CNTN5: variants seen among roughly 807,000 people sequenced by gnomAD.
CNTN5 encodes contactin 5, also known as contactin-5.
CNTN5 carries 77 observed loss-of-function variants against 129.1 expected under a neutral mutation model. That is an observed-to-expected ratio of 0.60 (90% CI 0.50 to 0.72). CNTN5 has a LOEUF of 0.72. CNTN5 is among the 30% of genes least tolerant of loss of function. The probability of loss-of-function intolerance (pLI) is 0.00; values close to 1 mark genes in which losing one functional copy is unlikely to be tolerated. For synonymous variants in CNTN5, 509 were observed against 465.6 expected (o/e 1.09, Z -1.20); for missense variants, 1,478 against 1,328.8 (o/e 1.11, Z -1.75).
chr11:99,246,164 T>A (rs1470826530), intron 1 of CNTN5, among the ~76,000 whole-genome samples: 1 of 152,216 alleles, frequency 6.6e-6, no homozygotes, highest in Non-Finnish European at 1.5e-5. Flanking sequence ...TCTTCACATG[T>A]CACAAATTTA....
chr11:99,523,866 G>A (rs548715463), intron 2 of CNTN5, among the ~76,000 whole-genome samples: 206 of 152,256 alleles, frequency 1.4e-3, no homozygotes, highest in African/African-American at 4.8e-3. Context: ...AGCGCATGCT[G>A]ATGTTTGCCA....
intron 6 of CNTN5, among the ~76,000 whole-genome samples, chr11:99,904,845 G>A (rs1389484452): frequency 2.0e-5 from 3 of 152,196 alleles, no homozygotes; most frequent in Non-Finnish European, 4.4e-5. Flanking sequence ...TAAATGGCAT[G>A]AGATGGTATC....
intron 7 of CNTN5, among the ~76,000 whole-genome samples, chr11:99,918,840 T>G (rs1459421163): frequency 6.6e-6 from 1 of 152,148 alleles, no homozygotes; most frequent in Non-Finnish European, 1.5e-5. Context: ...GTAAACAACT[T>G]TCCCAACAGT....
At chr11:100,275,563 T>A (rs969380727) in intron 18 of CNTN5, among the ~76,000 whole-genome samples, 1 of 152,168 alleles carries the variant, frequency 6.6e-6, no homozygotes, top group Non-Finnish European at 1.5e-5. Flanking sequence ...ATGAATCTCC[T>A]TGTGCTATTA....
chr11:99,839,999 A>T lies in CNTN5; in HGVS notation c.278-4853A>T, dbSNP rs553292674. Reference sequence around the variant, plus strand: ...AAAGGCCAACTGAGTCACAGAAAAAAAAATCGTACAAGATGACTACACCAA... The same window carrying T: ...AAAGGCCAACTGAGTCACAGAAAAATAAATCGTACAAGATGACTACACCAA... On this transcript the variant is annotated intron_variant, in intron 4 of 24. Coordinates refer to ENST00000524871, the MANE Select transcript of CNTN5 (RefSeq NM_014361.4). 5.0e-4 allele frequency among the ~76,000 whole-genome samples: 76 copies of T among 152,284 alleles called. 1 individual carries two copies. The highest frequency in any genetic ancestry group is 1.7e-3 in the African/African-American group (71 of 41,574).
At chr11:99,164,129 C>T (rs1860757870) in intron 1 of CNTN5, among the ~76,000 whole-genome samples, 1 of 151,860 alleles carries the variant, frequency 6.6e-6, no homozygotes, top group African/African-American at 2.4e-5. Flanking sequence ...AGTTCAAGAC[C>T]AGCCTGGCCA....
At chr11:99,477,245 T>TA (rs1565215026) in intron 2 of CNTN5, among the ~76,000 whole-genome samples, 1 of 152,000 alleles carries the variant, frequency 6.6e-6, no homozygotes, top group Non-Finnish European at 1.5e-5. Context: ...GAGACTCTTT[T>TA]AAAAAATAAT....
At chr11:99,364,457 G>C (rs1050147860) in intron 2 of CNTN5, among the ~76,000 whole-genome samples, 1 of 152,038 alleles carries the variant, frequency 6.6e-6, no homozygotes, top group East Asian at 1.9e-4. Context: ...CCTTGCTAAA[G>C]GTAACTCCAG....
At chr11:99,202,400 A>G (rs1160371187) in intron 1 of CNTN5, among the ~76,000 whole-genome samples, 3 of 152,192 alleles carry the variant, frequency 2.0e-5, no homozygotes, top group Admixed American at 6.5e-5. Flanking sequence ...GTAGTAGCTA[A>G]GAGTTCACAG....
At chr11:100,346,395 T>C (rs974494940) in intron 23 of CNTN5, among the ~76,000 whole-genome samples, 3 of 152,134 alleles carry the variant, frequency 2.0e-5, no homozygotes, top group African/African-American at 7.2e-5. Context: ...ACCCAGGTTA[T>C]AAAGTAAAAA....
intron 9 of CNTN5, among the ~76,000 whole-genome samples, chr11:100,060,710 G>A (rs570736781): frequency 4.2e-4 from 62 of 148,596 alleles, no homozygotes; most frequent in Admixed American, 2.3e-3. Context: ...CGCGATCTCG[G>A]CTCACTGCAA....
chr11:100,105,648 G>C (rs559949678), intron 13 of CNTN5, among the ~76,000 whole-genome samples: 1 of 152,264 alleles, frequency 6.6e-6, no homozygotes, highest in South Asian at 2.1e-4. Context: ...TGCCTTTGAT[G>C]AGTATCCAGG....
intron 2 of CNTN5, among the ~76,000 whole-genome samples, chr11:99,443,635 G>GCTCTATACT (rs1943933588): frequency 2.0e-5 from 3 of 152,166 alleles, no homozygotes; most frequent in Non-Finnish European, 4.4e-5. Flanking sequence ...GTATACGACT[G>GCTCTATACT]CTTGTGCATG....
At chr11:100,234,808 A>T (rs1450941295) in intron 16 of CNTN5, among the ~76,000 whole-genome samples, 1 of 150,866 alleles carries the variant, frequency 6.6e-6, no homozygotes, top group African/African-American at 2.4e-5. Context: ...AAAAAAAAAA[A>T]AAAAAAAAAG....
chr11:100,220,280 T>TAA (rs879363710), intron 15 of CNTN5, among the ~76,000 whole-genome samples: 4 of 141,800 alleles, frequency 2.8e-5, no homozygotes, highest in African/African-American at 1.0e-4. Context: ...CTGTCTCAAT[T>TAA]AAAAAAAAAA....
chr11:99,366,531 C>CA (rs1939454646), intron 2 of CNTN5, among the ~76,000 whole-genome samples: 1 of 152,108 alleles, frequency 6.6e-6, no homozygotes, highest in Non-Finnish European at 1.5e-5. Context: ...TGCAAAAAGA[C>CA]AAAATGTCCT....
chr11:100,285,008 T>C (rs1472471555), intron 18 of CNTN5, among the ~76,000 whole-genome samples: 1 of 152,198 alleles, frequency 6.6e-6, no homozygotes, highest in African/African-American at 2.4e-5. Flanking sequence ...ACTCATAAAA[T>C]GGGGATACCA....
intron 21 of CNTN5, among the ~76,000 whole-genome samples, chr11:100,338,993 A>G (rs1001235205): frequency 2.4e-4 from 36 of 151,132 alleles, no homozygotes; most frequent in Non-Finnish European, 5.0e-4. Context: ...TCCACTGTCC[A>G]TGGATGGCTG....
At chr11:99,702,907 G>C (rs1954584191) in intron 3 of CNTN5, among the ~76,000 whole-genome samples, 1 of 150,914 alleles carries the variant, frequency 6.6e-6, no homozygotes, top group African/African-American at 2.4e-5. Flanking sequence ...CCTCTAGAAA[G>C]GATCTAATTA....
Sources: gnomAD v4.1 joint callset for allele counts (sites outside exome capture counted in the v4.1 genomes callset) on GRCh38, gnomAD v4.1.1 for gene constraint, MANE v1.5 for transcripts, NCBI Gene and HGNC (gene_info 2026-07-23, HGNC 2026-07-21) for gene names.